ASCC3: variants seen among roughly 807,000 people sequenced by gnomAD.
ASCC3 encodes the protein activating signal cointegrator 1 complex subunit 3.
In ASCC3, 158 loss-of-function variants were observed where a neutral mutation model predicts 256.3. That is an observed-to-expected ratio of 0.62 (90% CI 0.54 to 0.70). The LOEUF (loss-of-function observed/expected upper bound fraction) is 0.70. Ranked by LOEUF, ASCC3 falls within the 30% of genes least tolerant of loss-of-function variation. The pLI is 0.00. For missense variants in ASCC3, 2,259 were observed against 2,626.0 expected (o/e 0.86, Z 3.05); for synonymous variants, 948 against 883.4 (o/e 1.07, Z -1.30).
At chr6:100,603,982 T>C (rs1772756452) in intron 33 of ASCC3, among the ~76,000 whole-genome samples, 1 of 152,046 alleles carries the variant, frequency 6.6e-6, no homozygotes, top group Non-Finnish European at 1.5e-5. Flanking sequence ...TTTCCACTAC[T>C]AGGAGGAGAT....
chr6:100,758,370 A>C (rs1781282396), intron 10 of ASCC3, among the ~76,000 whole-genome samples: 3 of 150,540 alleles, frequency 2.0e-5, no homozygotes, highest in South Asian at 2.1e-4. Context: ...CCCTCCCCTC[A>C]CCCCCCAAAC....
At chr6:100,585,350 C>T (rs1395360994) in intron 36 of ASCC3, among the ~76,000 whole-genome samples, 1 of 152,094 alleles carries the variant, frequency 6.6e-6, no homozygotes, top group South Asian at 2.1e-4. Flanking sequence ...TCGCTGATAC[C>T]CTTTCTTCCA....
chr6:100,722,683 G>C (rs1779401087), intron 11 of ASCC3, among the ~76,000 whole-genome samples: 1 of 151,588 alleles, frequency 6.6e-6, no homozygotes, highest in Non-Finnish European at 1.5e-5. Context: ...TACTGCACAT[G>C]TTTTTCTTAC....
chr6:100,566,815 C>T (rs979921667), intron 36 of ASCC3, among the ~76,000 whole-genome samples: 2 of 151,268 alleles, frequency 1.3e-5, no homozygotes, highest in Admixed American at 6.6e-5. Context: ...GCCTCCCTAG[C>T]TCCATGTAAG....
At chr6:100,863,911 C>T (rs112721548) in intron 3 of ASCC3, among the ~76,000 whole-genome samples, 153 bp downstream of exon 3, 3,052 of 152,164 alleles carry the variant, frequency 0.02, 116 homozygotes, top group East Asian at 0.14. Context: ...GCATGAGCCA[C>T]CGCGCCTGGC....
At position 100,752,211 on chromosome 6, in the gene ASCC3, C is replaced by T. The variant is rs537060325; in HGVS notation, c.1737+14354G>A. The stretch of plus-strand genomic sequence containing the variant: ...TAATCCAACTCATATTTTCCTTCTC[C>T]TTTCTTACCAACCTGAAGTTTATAT... On this transcript the variant is annotated intron_variant, in intron 10 of 41. Coordinates refer to ENST00000369162, the MANE Select transcript of ASCC3 (RefSeq NM_006828.4). Among the ~76,000 whole-genome samples, 10 of 152,138 alleles carry T rather than the reference C, an allele frequency of 6.6e-5. No homozygotes were observed. In the East Asian group the frequency reaches 1.4e-3, roughly 21 times the overall value.
chr6:100,732,329 G>T (rs1040198156), intron 10 of ASCC3, among the ~76,000 whole-genome samples: 8 of 152,078 alleles, frequency 5.3e-5, no homozygotes, highest in Admixed American at 5.2e-4. Flanking sequence ...AATATTAAGA[G>T]ATTACATTTA....
intron 4 of ASCC3, among the ~76,000 whole-genome samples, chr6:100,845,434 T>G (rs1442504538): frequency 3.3e-5 from 5 of 152,174 alleles, no homozygotes; most frequent in Non-Finnish European, 5.9e-5. Context: ...TTTCTTATGT[T>G]TGCTTTAGTA....
intron 13 of ASCC3, among the ~76,000 whole-genome samples, chr6:100,709,282 G>C (rs898755017): frequency 1.3e-5 from 2 of 152,160 alleles, no homozygotes; most frequent in African/African-American, 4.8e-5. Flanking sequence ...AATCACTACA[G>C]TAGCATAATC....
At chr6:100,833,234 T>C (rs886808752) in intron 4 of ASCC3, among the ~76,000 whole-genome samples, 2 of 152,128 alleles carry the variant, frequency 1.3e-5, no homozygotes, top group Admixed American at 6.5e-5. Flanking sequence ...ATTTCAACTA[T>C]ATGACATCTG....
intron 10 of ASCC3, among the ~76,000 whole-genome samples, chr6:100,735,617 A>C (rs1197370967): frequency 1.3e-5 from 2 of 152,168 alleles, no homozygotes; most frequent in Non-Finnish European, 2.9e-5. Context: ...TCAAATTTAA[A>C]ATGCACAAAC....
intron 36 of ASCC3, among the ~76,000 whole-genome samples, chr6:100,565,719 AAGAG>A (rs1403489181): frequency 6.6e-6 from 1 of 152,198 alleles, no homozygotes; most frequent in Non-Finnish European, 1.5e-5. Context: ...AGCAACCAAA[AAGAG>A]AGAACTCAGA....
intron 13 of ASCC3, among the ~76,000 whole-genome samples, chr6:100,707,724 T>C (rs1045378566): frequency 6.6e-6 from 1 of 152,158 alleles, no homozygotes; most frequent in African/African-American, 2.4e-5. Context: ...AGGTTCACGA[T>C]GATTGTCCCA....
chr6:100,510,330 C>G (rs1165948486), intron 40 of ASCC3: 1 of 530,842 alleles, frequency 1.9e-6, no homozygotes. Context: ...GACACTAGTT[C>G]GTAGTTGTAA....
intron 8 of ASCC3, among the ~76,000 whole-genome samples, chr6:100,791,689 A>G (rs897034198): frequency 6.6e-6 from 1 of 151,882 alleles, no homozygotes; most frequent in African/African-American, 2.4e-5. Flanking sequence ...GTCCACACAC[A>G]ATCACTGTTT....
chr6:100,694,484 A>C (rs1777990496), intron 13 of ASCC3, among the ~76,000 whole-genome samples: 3 of 152,098 alleles, frequency 2.0e-5, no homozygotes, highest in Admixed American at 2.0e-4. Flanking sequence ...GCTCAATCTC[A>C]ATCAATCAAT....
At chr6:100,679,568 G>A (rs1362842613) in intron 14 of ASCC3, 50 bp downstream of exon 14, 1 of 1,609,732 alleles carries the variant, frequency 6.2e-7, no homozygotes, top group Admixed American at 1.7e-5. Context: ...AAAATACCCG[G>A]GATATGTGGC....
intron 8 of ASCC3, among the ~76,000 whole-genome samples, chr6:100,774,295 C>T (rs1206839720): frequency 1.3e-5 from 2 of 152,068 alleles, no homozygotes; most frequent in Admixed American, 1.3e-4. Context: ...GTACATGTCA[C>T]GTGCATGTAC....
chr6:100,535,647 T>C (rs531927212), intron 37 of ASCC3, among the ~76,000 whole-genome samples: 1 of 152,096 alleles, frequency 6.6e-6, no homozygotes, highest in East Asian at 1.9e-4. Flanking sequence ...TCTTGTATTT[T>C]TAGTAGAGAT....
Sources: gnomAD v4.1 joint callset for allele counts (sites outside exome capture counted in the v4.1 genomes callset) on GRCh38, gnomAD v4.1.1 for gene constraint, MANE v1.5 for transcripts, NCBI Gene and HGNC (gene_info 2026-07-23, HGNC 2026-07-21) for gene names.